Variants in H4C7 observed in about 807,000 individuals in gnomAD.
H4C7 encodes the protein H4 clustered histone 7, also known as histone H4-like protein type G.
H4C7 carries 7 observed loss-of-function variants against 5.2 expected under a neutral mutation model. The ratio of observed to expected loss-of-function variants is 1.34; its 90% CI spans 0.76 to 2.52. H4C7 has a LOEUF of 2.52. Among genes scored for constraint, H4C7 ranks in the 30% most tolerant of loss-of-function variants. The pLI, the probability that H4C7 is intolerant of heterozygous loss-of-function variation, is 0.00. For missense variants in H4C7, 148 were observed against 138.4 expected (o/e 1.07, Z -0.35); for synonymous variants, 69 against 57.5 (o/e 1.20, Z -0.90).
chr6:26,246,702 T>G lies in H4C7; in HGVS notation c.276A>C (p.Lys92Asn). The part of the protein sequence containing the change: ...VTAMAVVYVL[K>N]RQGRTL Reference sequence around the variant, plus strand: ...AGCCTTACAGGGTTCTTCCCTGGCGTTTGAGCACGTAGACCACGGCCATGG... The same window carrying G: ...AGCCTTACAGGGTTCTTCCCTGGCGGTTGAGCACGTAGACCACGGCCATGG... The change falls in exon 1 of 1, where the codon AAA (lysine) becomes AAC (asparagine). Residue 92 changes from lysine to asparagine, a missense_variant. By Grantham distance (94) the Lys-to-Asn change is moderately conservative (BLOSUM62 0). Transcript: ENST00000611444. 1 of 1,599,014 alleles carries G rather than the reference T, an allele frequency of 6.3e-7. No individual in the cohort carries two copies.
rs775915061 is a variant in H4C7 at position 26,246,860 on chromosome 6, G to C, written c.118C>G (p.Arg40Gly). The change falls in exon 1 of 1, where the codon CGG becomes GGG. Residue 40 changes from arginine (R) to glycine (G), a missense_variant. Physicochemically the swap from Arg to Gly is moderately radical, Grantham distance 125 (BLOSUM62 -2). Coordinates refer to ENST00000611444, the MANE Select transcript of H4C7 (RefSeq NM_003547.3). ...ITKCTIRRLARHGGVKRILGL... is the reference protein window; with the variant it reads ...ITKCTIRRLAGHGGVKRILGL... ...AAGATGCGCTTGACACCGCCATGCC[G>C]GGCCAAGCGCCGGATAGTGCACTTG... The C allele has an allele frequency of 1.2e-6, 2 of 1,614,122 alleles. No homozygotes were observed. Among genetic ancestry groups the C allele is most frequent in the Non-Finnish European group, 8.5e-7 (1 of 1,180,012 alleles).
Position 26,246,805 on chromosome 6 carries a change from A to C in H4C7, c.173T>G (p.Val58Gly), listed in dbSNP as rs750015976. 6.2e-7 allele frequency: 1 copy of C among 1,614,086 alleles called. No individual in the cohort carries two copies. The highest frequency in any genetic ancestry group is 8.5e-7 in the Non-Finnish European group (1 of 1,180,014). Residue 58 changes from valine to glycine, a missense_variant, in exon 1 of 1, where the codon GTG becomes GGG. By Grantham distance (109) the Val-to-Gly change is moderately radical. Transcript: ENST00000611444. ...LGLIYEETRRVFKVFLENVIW... is the reference protein window; with the variant it reads ...LGLIYEETRRGFKVFLENVIW... ...CACATTTTCCAGGAACACCTTGAAC[A>C]CCCGGCGGGTCTCCTCATAAATGAG...
rs1443659631 is a variant in H4C7 at position 26,246,949 on chromosome 6, C to G, written c.29G>C (p.Gly10Ala). MSVRGKAGK[G>A]LGKGGAKCHR... ...GCACTTGGCACCGCCTTTCCCAAGG[C>G]CTTTTCCGGCCTTGCCCCGAACAGA... Residue 10 changes from glycine to alanine, a missense_variant, in exon 1 of 1, where the codon GGC (glycine) becomes GCC (alanine). Transcript: ENST00000611444. 2 of 1,600,358 alleles carry G rather than the reference C, an allele frequency of 1.2e-6. No homozygotes were observed. Among genetic ancestry groups the G allele is most frequent in the Non-Finnish European group, 1.7e-6 (2 of 1,168,698 alleles).
Position 26,246,750 on chromosome 6 carries a change from G to C in H4C7, c.228C>G (p.His76Gln), listed in dbSNP as rs1199279587. ...TGGCGGTGACCGTCTTGCGCTTGGC[G>C]TGCTCCGTGTTGGTCACGGCGTACC... is the stretch of plus-strand genomic sequence containing the variant. ...VIWYAVTNTE[H>Q]AKRKTVTAMA... The change falls in exon 1 of 1, where the codon CAC (histidine) becomes CAG (glutamine). Residue 76 changes from histidine (H) to glutamine (Q), a missense_variant. By Grantham distance (24) the His-to-Gln change is conservative. Coordinates refer to ENST00000611444, the MANE Select transcript of H4C7 (RefSeq NM_003547.3). The C allele has an allele frequency of 1.2e-6, 2 of 1,613,462 alleles. No homozygotes were observed. The highest frequency in any genetic ancestry group is 2.7e-5 in the African/African-American group (2 of 74,908).
At position 26,246,767 on chromosome 6, in the gene H4C7, C is replaced by A. The variant is rs140916075; in HGVS notation, c.211G>T (p.Val71Leu). The change falls in exon 1 of 1, where the codon GTG (valine) becomes TTG (leucine). Residue 71 changes from valine to leucine, a missense_variant. Physicochemically the swap from Val to Leu is conservative, Grantham distance 32 (BLOSUM62 1). Coordinates refer to ENST00000611444, the MANE Select transcript of H4C7 (RefSeq NM_003547.3). ...VFLENVIWYA[V>L]TNTEHAKRKT... ...CGCTTGGCGTGCTCCGTGTTGGTCA[C>A]GGCGTACCAGATCACATTTTCCAGG... is the stretch of plus-strand genomic sequence containing the variant. 2 of 1,614,046 alleles carry A rather than the reference C, an allele frequency of 1.2e-6. No individual in the cohort carries two copies. Among genetic ancestry groups the A allele is most frequent in the Admixed American group, 1.7e-5 (1 of 60,004 alleles).
rs745917695 is a variant in H4C7 at position 26,246,852 on chromosome 6, G to T, written c.126C>A (p.Gly42=). 1.9e-6 allele frequency: 3 copies of T among 1,614,134 alleles called. No individual in the cohort carries two copies. In the African/African-American group the frequency reaches 4.0e-5, roughly 22 times the overall value. Residue 42 remains glycine, a synonymous_variant, in exon 1 of 1, where the codon GGC becomes GGA. Coordinates refer to ENST00000611444, the MANE Select transcript of H4C7 (RefSeq NM_003547.3). ...KCTIRRLARH[G]GVKRILGLIY... ...TGAGGCCCAAGATGCGCTTGACACCGCCATGCCGGGCCAAGCGCCGGATAG... is the reference window on the plus strand; with the variant it reads ...TGAGGCCCAAGATGCGCTTGACACCTCCATGCCGGGCCAAGCGCCGGATAG...
Position 26,246,712 on chromosome 6 carries a change from T to C in H4C7, c.266A>G (p.Tyr89Cys), listed in dbSNP as rs373667769. 9.4e-6 allele frequency: 15 copies of C among 1,603,920 alleles called. No individual in the cohort carries two copies. The African/African-American group carries it at 2.0e-4, about 21-fold the overall frequency. Residue 89 changes from tyrosine (Y) to cysteine (C), a missense_variant, in exon 1 of 1, where the codon TAC (tyrosine) becomes TGC (cysteine). Physicochemically the swap from Tyr to Cys is radical, Grantham distance 194. Coordinates refer to ENST00000611444, the MANE Select transcript of H4C7 (RefSeq NM_003547.3). ...GGTTCTTCCCTGGCGTTTGAGCACG[T>C]AGACCACGGCCATGGCGGTGACCGT... Reference protein sequence around the residue: ...RKTVTAMAVVYVLKRQGRTL With the variant: ...RKTVTAMAVVCVLKRQGRTL
In H4C7 at chr6:26,246,689, T is replaced by C; in HGVS notation, c.289A>G (p.Thr97Ala). Residue 97 changes from threonine (T) to alanine (A), a missense_variant, in exon 1 of 1, where the codon ACC becomes GCC. Coordinates refer to ENST00000611444, the MANE Select transcript of H4C7 (RefSeq NM_003547.3). ...ACTTAACCGCCAAAGCCTTACAGGG[T>C]TCTTCCCTGGCGTTTGAGCACGTAG... is the stretch of plus-strand genomic sequence containing the variant. ...VVYVLKRQGRTL is the reference protein window; with the variant it reads ...VVYVLKRQGRAL 1 of 1,591,660 alleles carries C rather than the reference T, an allele frequency of 6.3e-7. No homozygotes were observed. The highest frequency in any genetic ancestry group is 8.6e-7 in the Non-Finnish European group (1 of 1,163,662).
At position 26,246,687 on chromosome 6, in the gene H4C7, G is replaced by C. The variant is rs760083726; in HGVS notation, c.291C>G (p.Thr97=). 10 of 1,589,356 alleles carry C rather than the reference G, an allele frequency of 6.3e-6. No individual in the cohort carries two copies. In the East Asian group the frequency reaches 1.6e-4, roughly 25 times the overall value. ...VVYVLKRQGR[T]L The stretch of plus-strand genomic sequence containing the variant: ...TCACTTAACCGCCAAAGCCTTACAG[G>C]GTTCTTCCCTGGCGTTTGAGCACGT... Residue 97 remains threonine (T), a synonymous_variant, in exon 1 of 1, where the codon ACC becomes ACG. Transcript: ENST00000611444.
Position 26,246,659 on chromosome 6 carries a change from G to A in H4C7, c.*22C>T, listed in dbSNP as rs1437015196. ...TAACGATATTGCAAGGAAAGGCCTG[G>A]CCTCACTTAACCGCCAAAGCCTTAC... is the stretch of plus-strand genomic sequence containing the variant. On this transcript the variant is annotated 3_prime_UTR_variant, in exon 1 of 1. Coordinates refer to ENST00000611444, the MANE Select transcript of H4C7 (RefSeq NM_003547.3). 2 of 1,552,394 alleles carry A rather than the reference G, an allele frequency of 1.3e-6. No individual in the cohort carries two copies. Among genetic ancestry groups the A allele is most frequent in the African/African-American group, 2.7e-5 (2 of 73,284 alleles).
rs1381757787 is a variant in H4C7 at position 26,246,990 on chromosome 6, A to G, written c.-13T>C. ...CCCGAACAGACATGATAAACAAGTC[A>G]GAACTATCTCTAAACAAAACGATTA... On this transcript the variant is annotated 5_prime_UTR_variant, in exon 1 of 1. Coordinates refer to ENST00000611444, the MANE Select transcript of H4C7 (RefSeq NM_003547.3). The G allele has an allele frequency of 1.3e-5, 20 of 1,571,240 alleles. No individual in the cohort carries two copies. The highest frequency in any genetic ancestry group is 2.3e-5 in the South Asian group (2 of 87,510).
At position 26,246,953 on chromosome 6, in the gene H4C7, T is replaced by C. The variant is rs1043221190; in HGVS notation, c.25A>G (p.Lys9Glu). The C allele has an allele frequency of 6.2e-7, 1 of 1,601,282 alleles. No homozygotes were observed. Among genetic ancestry groups the C allele is most frequent in the African/African-American group, 1.3e-5 (1 of 74,776 alleles). The change falls in exon 1 of 1, where the codon AAA (lysine) becomes GAA (glutamate). Residue 9 changes from lysine (K) to glutamate (E), a missense_variant. Physicochemically the swap from Lys to Glu is moderately conservative, Grantham distance 56. Coordinates refer to ENST00000611444, the MANE Select transcript of H4C7 (RefSeq NM_003547.3). MSVRGKAG[K>E]GLGKGGAKCH... ...TTGGCACCGCCTTTCCCAAGGCCTT[T>C]TCCGGCCTTGCCCCGAACAGACATG...
Position 26,246,760 on chromosome 6 carries a change from T to C in H4C7, c.218A>G (p.Asn73Ser). 3 of 1,614,020 alleles carry C rather than the reference T, an allele frequency of 1.9e-6. No homozygotes were observed. The highest frequency in any genetic ancestry group is 2.7e-5 in the African/African-American group (2 of 75,034). The change falls in exon 1 of 1, where the codon AAC becomes AGC. Residue 73 changes from asparagine to serine, a missense_variant. Coordinates refer to ENST00000611444, the MANE Select transcript of H4C7 (RefSeq NM_003547.3). ...CGTCTTGCGCTTGGCGTGCTCCGTG[T>C]TGGTCACGGCGTACCAGATCACATT... ...LENVIWYAVT[N>S]TEHAKRKTVT...
In H4C7 at chr6:26,246,860, G is replaced by A. The variant is rs775915061; in HGVS notation, c.118C>T (p.Arg40Trp). The A allele has an allele frequency of 9.9e-6, 16 of 1,614,008 alleles. No homozygotes were observed. The highest frequency in any genetic ancestry group is 2.7e-5 in the African/African-American group (2 of 74,914). The change falls in exon 1 of 1, where the codon CGG becomes TGG. Residue 40 changes from arginine to tryptophan, a missense_variant. Physicochemically the swap from Arg to Trp is moderately radical, Grantham distance 101 (BLOSUM62 -3). Coordinates refer to ENST00000611444, the MANE Select transcript of H4C7 (RefSeq NM_003547.3). The stretch of plus-strand genomic sequence containing the variant: ...AAGATGCGCTTGACACCGCCATGCC[G>A]GGCCAAGCGCCGGATAGTGCACTTG... ...ITKCTIRRLARHGGVKRILGL... is the reference protein window; with the variant it reads ...ITKCTIRRLAWHGGVKRILGL...
rs755517187 is a variant in H4C7, at chr6:26,246,735, C to T, written c.243G>A (p.Thr81=). Residue 81 remains threonine, a synonymous_variant, in exon 1 of 1, where the codon ACG becomes ACA. Coordinates refer to ENST00000611444, the MANE Select transcript of H4C7 (RefSeq NM_003547.3). ...VTNTEHAKRK[T]VTAMAVVYVL... Reference sequence around the variant, plus strand: ...CGTAGACCACGGCCATGGCGGTGACCGTCTTGCGCTTGGCGTGCTCCGTGT... The same window carrying T: ...CGTAGACCACGGCCATGGCGGTGACTGTCTTGCGCTTGGCGTGCTCCGTGT... 9.9e-6 allele frequency: 16 copies of T among 1,610,454 alleles called. No individual in the cohort carries two copies. Among genetic ancestry groups the T allele is most frequent in the Middle Eastern group, 3.3e-4 (2 of 6,052 alleles).
chr6:26,246,729 G>A lies in H4C7; in HGVS notation c.249C>T (p.Thr83=), dbSNP rs200164073. Residue 83 remains threonine, a synonymous_variant, in exon 1 of 1, where the codon ACC becomes ACT. Transcript: ENST00000611444. ...NTEHAKRKTV[T]AMAVVYVLKR... ...TGAGCACGTAGACCACGGCCATGGC[G>A]GTGACCGTCTTGCGCTTGGCGTGCT... 1 of 1,610,062 alleles carries A rather than the reference G, an allele frequency of 6.2e-7. No individual in the cohort carries two copies. The highest frequency in any genetic ancestry group is 8.5e-7 in the Non-Finnish European group (1 of 1,176,658).
Position 26,246,935 on chromosome 6 carries a change from C to T in H4C7, c.43G>A (p.Gly15Ser). 1.9e-6 allele frequency: 3 copies of T among 1,603,272 alleles called. No individual in the cohort carries two copies. The highest frequency in any genetic ancestry group is 1.3e-5 in the African/African-American group (1 of 74,844). Residue 15 changes from glycine (G) to serine (S), a missense_variant, in exon 1 of 1, where the codon GGT (glycine) becomes AGT (serine). Gly to Ser is a moderately conservative substitution (Grantham distance 56). Coordinates refer to ENST00000611444, the MANE Select transcript of H4C7 (RefSeq NM_003547.3). ...AGTACCTTGCGATGGCACTTGGCACCGCCTTTCCCAAGGCCTTTTCCGGCC... is the reference window on the plus strand; with the variant it reads ...AGTACCTTGCGATGGCACTTGGCACTGCCTTTCCCAAGGCCTTTTCCGGCC... ...GKAGKGLGKG[G>S]AKCHRKVLSD...
chr6:26,246,792 G>A lies in H4C7; in HGVS notation c.186C>T (p.Phe62=), dbSNP rs767165492. The change falls in exon 1 of 1, where the codon TTC becomes TTT. Residue 62 remains phenylalanine, a synonymous_variant. Transcript: ENST00000611444. ...YEETRRVFKV[F]LENVIWYAVT... is the part of the protein sequence containing the mutation. Reference sequence around the variant, plus strand: ...CGGCGTACCAGATCACATTTTCCAGGAACACCTTGAACACCCGGCGGGTCT... The same window carrying A: ...CGGCGTACCAGATCACATTTTCCAGAAACACCTTGAACACCCGGCGGGTCT... 2 of 1,614,140 alleles carry A rather than the reference G, an allele frequency of 1.2e-6. No individual in the cohort carries two copies.
At position 26,246,996 on chromosome 6, in the gene H4C7, A is replaced by C. The variant is rs1488033452; in HGVS notation, c.-19T>G. 25 of 1,553,442 alleles carry C rather than the reference A, an allele frequency of 1.6e-5. No homozygotes were observed. The highest frequency in any genetic ancestry group is 2.2e-5 in the Non-Finnish European group (25 of 1,145,356). On this transcript the variant is annotated 5_prime_UTR_variant, in exon 1 of 1. Coordinates refer to ENST00000611444, the MANE Select transcript of H4C7 (RefSeq NM_003547.3). ...CAGACATGATAAACAAGTCAGAACT[A>C]TCTCTAAACAAAACGATTACTCGCT...
Sources: gnomAD v4.1 joint callset for allele counts on GRCh38, gnomAD v4.1.1 for gene constraint, MANE v1.5 for transcripts, NCBI Gene and HGNC (gene_info 2026-07-23, HGNC 2026-07-21) for gene names.